OGDH: variants seen among roughly 807,000 people sequenced by gnomAD.
OGDH encodes the protein oxoglutarate dehydrogenase.
OGDH carries 38 observed loss-of-function variants against 116.6 expected under a neutral mutation model. The observed-to-expected ratio is 0.33, with a 90% CI of 0.25 to 0.43. The LOEUF is 0.43. Ranked by LOEUF, OGDH falls within the 20% of genes least tolerant of loss-of-function variation. The pLI, the probability that OGDH is intolerant of heterozygous loss-of-function variation, is 1.00. For synonymous variants in OGDH, 488 were observed against 533.3 expected (o/e 0.92, Z 1.17); for missense variants, 825 against 1,357.2 (o/e 0.61, Z 6.16).
At chr7:44,632,196 C>T (rs1049154517) in intron 2 of OGDH, among the ~76,000 whole-genome samples, 2 of 152,060 alleles carry the variant, frequency 1.3e-5, no homozygotes, top group Admixed American at 6.6e-5. Context: ...GAGTTGGGAT[C>T]CCCAAGAGCA....
chr7:44,609,552 C>T (rs1440173488), intron 1 of OGDH, among the ~76,000 whole-genome samples: 2 of 151,374 alleles, frequency 1.3e-5, no homozygotes, highest in African/African-American at 4.9e-5. Context: ...TTTATTGAAG[C>T]CGGGCTATTG....
intron 2 of OGDH, 126 bp downstream of exon 2, chr7:44,624,691 A>G (rs1785135792): frequency 1.3e-6 from 1 of 786,326 alleles, no homozygotes; most frequent in African/African-American, 1.7e-5. Flanking sequence ...CGCCATACCA[A>G]CCACCGTATC....
chr7:44,707,831 C>G lies in OGDH; in HGVS notation c.2952-48C>G. On this transcript the variant is annotated intron_variant, in intron 22 of 22. Coordinates refer to ENST00000222673, the MANE Select transcript of OGDH (RefSeq NM_002541.4). This position sits in a 1 kb window ranked among gnomAD's most constrained non-coding sequence, Gnocchi z 5.2. ...ACATGCAGCAGAGGGATGGGCTGGG[C>G]CAACTCAGTGTCCCCTGCCCTCACT... The G allele has an allele frequency of 6.2e-7, 1 of 1,608,128 alleles. No homozygotes were observed. Among genetic ancestry groups the G allele is most frequent in the Non-Finnish European group, 8.5e-7 (1 of 1,176,894 alleles).
At chr7:44,659,595 T>A (rs1369106704) in intron 4 of OGDH, among the ~76,000 whole-genome samples, 1 of 152,230 alleles carries the variant, frequency 6.6e-6, no homozygotes, top group Non-Finnish European at 1.5e-5. Context: ...AATTATCTGT[T>A]TCATATTGGG....
At chr7:44,702,027 C>T (rs571742039) in intron 20 of OGDH, among the ~76,000 whole-genome samples, 49 of 151,176 alleles carry the variant, frequency 3.2e-4, no homozygotes, top group African/African-American at 7.1e-4. Context: ...GCTGCTATCA[C>T]GCCATTGCAC....
At chr7:44,607,084 C>T (rs1784382694) in intron 1 of OGDH, among the ~76,000 whole-genome samples, 1 of 152,216 alleles carries the variant, frequency 6.6e-6, no homozygotes, top group South Asian at 2.1e-4. Flanking sequence ...GACCGGGACG[C>T]ACTCTCCTTC....
At chr7:44,675,883 A>C (rs1787670863) in intron 8 of OGDH, 87 bp from the exon 9 acceptor site, 1 of 1,480,510 alleles carries the variant, frequency 6.8e-7, no homozygotes, top group African/African-American at 1.4e-5. Context: ...ATCTCAAAAA[A>C]AAAAAAAAAA....
At chr7:44,661,423 A>G (rs1240357257) in intron 4 of OGDH, among the ~76,000 whole-genome samples, 1 of 152,050 alleles carries the variant, frequency 6.6e-6, no homozygotes, top group Non-Finnish European at 1.5e-5. Context: ...TCTGTCTTCT[A>G]TTTAATATAT....
chr7:44,646,624 G>T (rs1786195921), intron 3 of OGDH, among the ~76,000 whole-genome samples: 1 of 152,226 alleles, frequency 6.6e-6, no homozygotes, highest in Non-Finnish European at 1.5e-5. Flanking sequence ...GCCTGATCTT[G>T]CAGTGACTTA....
At chr7:44,685,705 A>G (rs1034534192) in intron 10 of OGDH, among the ~76,000 whole-genome samples, 2 of 151,694 alleles carry the variant, frequency 1.3e-5, no homozygotes, top group Admixed American at 1.3e-4. Flanking sequence ...TGCAGCCTCC[A>G]ACTCCTGGGC....
At chr7:44,689,382 ATTTTTTTTTCTTTTTTTTT>A (rs1413106925) in intron 10 of OGDH, among the ~76,000 whole-genome samples, 2 of 99,062 alleles carry the variant, frequency 2.0e-5, no homozygotes, top group Non-Finnish European at 4.2e-5. Flanking sequence ...CTCCCAGCTA[ATTTTTTTTTCTTTTTTTTT>A]TTTTTTTTTT....
intron 6 of OGDH, among the ~76,000 whole-genome samples, 190 bp downstream of exon 6, chr7:44,674,131 G>A (rs1046090031): frequency 6.6e-6 from 1 of 152,172 alleles, no homozygotes; most frequent in Non-Finnish European, 1.5e-5. Flanking sequence ...AGCAACCTCC[G>A]CCTCCTGAAT....
In OGDH at chr7:44,666,946, A is replaced by G. The variant is rs150448621; in HGVS notation, c.633+95A>G. On this transcript the variant is annotated intron_variant, in intron 5 of 22. Coordinates refer to ENST00000222673, the MANE Select transcript of OGDH (RefSeq NM_002541.4). ...TAGTTTTATTTTTTTTCTTTGTCCT[A>G]TCTTTCTATTTTATTTTTTCTCTGA... The G allele has an allele frequency of 8.6e-4, 624 of 725,956 alleles. 1 individual carries two copies. In the African/African-American group the frequency reaches 0.01, roughly 12 times the overall value. 45.0% of individuals were successfully genotyped at this position (725,956 alleles called of 1,614,324 possible). A position where few individuals can be genotyped will look rare whatever the true frequency, so the allele number is the denominator to read the frequency against.
chr7:44,613,281 T>C (rs966209184), intron 1 of OGDH, among the ~76,000 whole-genome samples: 1 of 152,154 alleles, frequency 6.6e-6, no homozygotes, highest in Non-Finnish European at 1.5e-5. Flanking sequence ...ATTCATGTTA[T>C]TCTCTCACCT....
intron 1 of OGDH, among the ~76,000 whole-genome samples, chr7:44,608,794 A>G (rs1163434368): frequency 6.6e-6 from 1 of 152,182 alleles, no homozygotes; most frequent in East Asian, 1.9e-4. Context: ...AGATCATTGT[A>G]CAAATTATTG....
chr7:44,615,304 G>T (rs138584176), intron 1 of OGDH, among the ~76,000 whole-genome samples: 3 of 152,148 alleles, frequency 2.0e-5, no homozygotes, highest in Admixed American at 6.5e-5. Context: ...TCTGGGGGGA[G>T]GGATTCCTTG....
intron 12 of OGDH, 61 bp from the exon 13 acceptor site, chr7:44,695,964 G>A: frequency 1.1e-6 from 1 of 893,526 alleles, no homozygotes; most frequent in Non-Finnish European, 1.9e-6. Context: ...GGGGGTACAG[G>A]TGGGCGTGTG....
rs935107763 is a variant in OGDH at position 44,696,189 on chromosome 7, T to C, written c.1771+62T>C. The C allele has an allele frequency of 6.2e-5, 78 of 1,261,522 alleles. 1 individual carries two copies. In the Middle Eastern group the frequency reaches 9.2e-4, roughly 15 times the overall value. The allele number at this position is 1,261,522 out of a possible 1,614,324, so 78.1% of individuals were successfully genotyped here. On this transcript the variant is annotated intron_variant, in intron 13 of 22. Coordinates refer to ENST00000222673, the MANE Select transcript of OGDH (RefSeq NM_002541.4). ...GAGGATCTGATGTAACGAGGCATCC[T>C]CTTCCCAGAAAAAATTCATGCTTTC...
At chr7:44,670,410 T>C (rs1185165877) in intron 5 of OGDH, among the ~76,000 whole-genome samples, 1 of 152,108 alleles carries the variant, frequency 6.6e-6, no homozygotes, top group Non-Finnish European at 1.5e-5. Flanking sequence ...AGATAGCCAG[T>C]TACTGGGTTT....
Sources: gnomAD v4.1 joint callset for allele counts (sites outside exome capture counted in the v4.1 genomes callset) on GRCh38, gnomAD v4.1.1 for gene constraint, Gnocchi (gnomAD v3.1) non-coding constraint, MANE v1.5 for transcripts, NCBI Gene and HGNC (gene_info 2026-07-23, HGNC 2026-07-21) for gene names.